RPL17: variants seen among roughly 807,000 people sequenced by gnomAD.
RPL17 encodes large ribosomal subunit protein uL22.
In RPL17, 2 loss-of-function variants were observed where a neutral mutation model predicts 27.7. That is an observed-to-expected ratio of 0.07 (90% CI 0.03 to 0.23). The LOEUF is 0.23. Ranked by LOEUF, RPL17 falls within the 10% of genes least tolerant of loss-of-function variation. The pLI, the probability that RPL17 is intolerant of heterozygous loss-of-function variation, is 1.00. For synonymous variants in RPL17, 76 were observed against 75.5 expected (o/e 1.01, Z -0.03); for missense variants, 141 against 238.8 (o/e 0.59, Z 2.70).
chr18:49,489,810 G>A (rs748319923), intron 5 of RPL17, among the ~76,000 whole-genome samples: 10 of 152,282 alleles, frequency 6.6e-5, no homozygotes, highest in Non-Finnish European at 1.2e-4. Flanking sequence ...AAGATCCTTA[G>A]ACGGGTGGAG....
At chr18:49,490,233 G>A (rs1600496006) in intron 5 of RPL17, 2 of 525,304 alleles carry the variant, frequency 3.8e-6, no homozygotes, top group Non-Finnish European at 3.4e-6. Flanking sequence ...TAGGCTTAAA[G>A]AGACCACAGA....
chr18:49,490,328 A>G, intron 5 of RPL17, 126 bp downstream of exon 5: 1 of 977,782 alleles, frequency 1.0e-6, no homozygotes, highest in Non-Finnish European at 1.5e-6. Context: ...TGGAAACTGC[A>G]GGTAGAAATT....
chr18:49,490,972 A>C, intron 3 of RPL17, 45 bp from the exon 4 acceptor site: 1 of 1,606,188 alleles, frequency 6.2e-7, no homozygotes, highest in Non-Finnish European at 8.5e-7. Flanking sequence ...TCAAAGCTTT[A>C]ATTTTTAAAG....
At position 49,491,264 on chromosome 18, in the gene RPL17, A is replaced by G; in HGVS notation, c.81+141T>C. 2.3e-6 allele frequency: 3 copies of G among 1,296,198 alleles called. No individual in the cohort carries two copies. The South Asian group carries it at 3.6e-5, about 15-fold the overall frequency. The allele number at this position is 1,296,198 out of a possible 1,614,324, so 80.3% of individuals were successfully genotyped here. A position where few individuals can be genotyped will look rare whatever the true frequency, so the allele number is the denominator to read the frequency against. Reference sequence around the variant, plus strand: ...GCTACATCCTTACACCCTGATCATCAATGCCTAAATATAAGGTGGCTGCTC... The same window carrying G: ...GCTACATCCTTACACCCTGATCATCGATGCCTAAATATAAGGTGGCTGCTC... On this transcript the variant is annotated intron_variant, in intron 3 of 6. Coordinates refer to ENST00000580261, the MANE Select transcript of RPL17 (RefSeq NM_001035006.5).
Position 49,491,018 on chromosome 18 carries a change from T to C in RPL17, c.82-91A>G, listed in dbSNP as rs1004393866. 6.3e-6 allele frequency: 10 copies of C among 1,578,214 alleles called. No homozygotes were observed. The African/African-American group carries it at 1.2e-4, about 19-fold the overall frequency. On this transcript the variant is annotated intron_variant, in intron 3 of 6. Transcript: ENST00000580261. Reference sequence around the variant, plus strand: ...ATTTTCAATTTTCAGCTTTTCAAAATGTCGAGTTATTTCTATTCTTTGGGG... The same window carrying C: ...ATTTTCAATTTTCAGCTTTTCAAAACGTCGAGTTATTTCTATTCTTTGGGG...
intron 3 of RPL17, 62 bp from the exon 4 acceptor site, chr18:49,490,989 T>C: frequency 6.3e-7 from 1 of 1,597,654 alleles, no homozygotes; most frequent in South Asian, 1.1e-5. Flanking sequence ...AAAGTAAACG[T>C]TAAATTTTCA....
At chr18:49,489,706 A>G (rs1456021601) in intron 5 of RPL17, among the ~76,000 whole-genome samples, 156 bp from the exon 6 acceptor site, 2 of 152,180 alleles carry the variant, frequency 1.3e-5, no homozygotes, top group African/African-American at 4.8e-5. Context: ...TGCAAATAGC[A>G]TTTTTTTAAC....
At chr18:49,491,006 A>G in intron 3 of RPL17, 79 bp from the exon 4 acceptor site, 4 of 1,587,912 alleles carry the variant, frequency 2.5e-6, no homozygotes, top group Non-Finnish European at 3.4e-6. Flanking sequence ...TTCAATTTTC[A>G]GCTTTTCAAA....
Position 49,489,389 on chromosome 18 carries a change from T to C in RPL17, c.477A>G (p.Lys159=). Residue 159 remains lysine (K), a synonymous_variant, in exon 6 of 7, where the codon AAA becomes AAG. Transcript: ENST00000580261. ...ILTEKEQIVP[K]PEEEVAQKKK... ...TCTTCTGGGCAACCTCCTCTTCTGG[T>C]TTAGGAACAATCTGTTCCTTTTCCG... 6.2e-7 allele frequency: 1 copy of C among 1,613,682 alleles called. No homozygotes were observed. Among genetic ancestry groups the C allele is most frequent in the South Asian group, 1.1e-5 (1 of 91,066 alleles).
chr18:49,492,274 C>T (rs554097657), intron 1 of RPL17, 184 bp downstream of exon 1: 9 of 152,876 alleles, frequency 5.9e-5, no homozygotes, highest in African/African-American at 1.9e-4. Flanking sequence ...GGCCGACTGA[C>T]CCCGGCTCCC....
rs371488407 is a variant in RPL17, at chr18:49,491,996, G to A, written c.-13-412C>T. 1.9e-3 allele frequency: 665 copies of A among 357,532 alleles called. 12 individuals are homozygous for A. Among genetic ancestry groups the A allele is most frequent in the South Asian group, 0.014 (639 of 45,846 alleles). 22.1% of individuals were successfully genotyped at this position (357,532 alleles called of 1,614,324 possible). On this transcript the variant is annotated intron_variant, in intron 1 of 6. Transcript: ENST00000580261. ...GTCAGGGCTGCAGGTAGTGAGTGCC[G>A]TCTCTCTCAACACCTTCGGGCTATG...
At chr18:49,489,116 T>C (rs1263444676) in intron 6 of RPL17, 3 of 399,256 alleles carry the variant, frequency 7.5e-6, no homozygotes, top group African/African-American at 6.2e-5. Flanking sequence ...TTAGCCAGGA[T>C]GGTCTCGATC....
At position 49,491,525 on chromosome 18, in the gene RPL17, C is replaced by G. The variant is rs374798934; in HGVS notation, c.40+7G>C. 6.2e-7 allele frequency: 1 copy of G among 1,614,064 alleles called. No individual in the cohort carries two copies. Among genetic ancestry groups the G allele is most frequent in the African/African-American group, 1.3e-5 (1 of 74,916 alleles). ...AGGAAATGGGTATCTACCTCCTGTC[C>G]ACTTACATTTCGTGGGGTTCTCCGG... On this transcript the variant is annotated splice_region_variant and intron_variant, in intron 2 of 6. Coordinates refer to ENST00000580261, the MANE Select transcript of RPL17 (RefSeq NM_001035006.5).
Position 49,491,308 on chromosome 18 carries a change from C to A in RPL17, c.81+97G>T, listed in dbSNP as rs535446200. 28 of 1,562,718 alleles carry A rather than the reference C, an allele frequency of 1.8e-5. No individual in the cohort carries two copies. The African/African-American group carries it at 3.5e-4, about 20-fold the overall frequency. On this transcript the variant is annotated intron_variant, in intron 3 of 6. Coordinates refer to ENST00000580261, the MANE Select transcript of RPL17 (RefSeq NM_001035006.5). ...GCTGCTCAGAATTTATTAATTTTCA[C>A]GGTAAATCCAAAGGTGTCCTAAGAA...
At position 49,489,436 on chromosome 18, in the gene RPL17, A is replaced by C. The variant is rs756526811; in HGVS notation, c.430T>G (p.Cys144Gly). The C allele has an allele frequency of 6.2e-7, 1 of 1,610,190 alleles. No individual in the cohort carries two copies. The highest frequency in any genetic ancestry group is 1.1e-5 in the South Asian group (1 of 91,074). The change falls in exon 6 of 7, where the codon TGC becomes GGC. Residue 144 changes from cysteine to glycine, a missense_variant. Transcript: ENST00000580261. ...GRINPYMSSP[C>G]HIEMILTEKE... ...TCCGTAAGGATCATCTCAATGTGGC[A>C]GGGAGAGCTCATGTATGGGTTAATC... is the stretch of plus-strand genomic sequence containing the variant.
chr18:49,492,104 T>C, intron 1 of RPL17: 2 of 200,948 alleles, frequency 1.0e-5, no homozygotes, highest in East Asian at 1.1e-4. Context: ...CCCCCAAAAC[T>C]TTTTCCTCGT....
chr18:49,492,248 C>T (rs1832544980), intron 1 of RPL17: 1 of 153,270 alleles, frequency 6.5e-6, no homozygotes, highest in Non-Finnish European at 1.5e-5. Flanking sequence ...CATCACGTCC[C>T]TCTGCGGACC....
intron 5 of RPL17, among the ~76,000 whole-genome samples, chr18:49,489,959 A>G (rs1344347935): frequency 1.3e-5 from 2 of 152,226 alleles, no homozygotes; most frequent in East Asian, 1.9e-4. Flanking sequence ...GCTAATGGGT[A>G]ATATACAAAA....
At chr18:49,490,581 T>C in intron 4 of RPL17, 29 bp from the exon 5 acceptor site, 11 of 1,613,316 alleles carry the variant, frequency 6.8e-6, no homozygotes, top group Non-Finnish European at 9.3e-6. Context: ...GATGAGTCAT[T>C]TTCCTTGATT....
Sources: allele counts gnomAD v4.1 joint callset (sites outside exome capture counted in the v4.1 genomes callset), GRCh38; gene constraint gnomAD v4.1.1; transcripts MANE v1.5; gene names NCBI Gene and HGNC (gene_info 2026-07-23, HGNC 2026-07-21).